Variants in STK32B observed in about 807,000 individuals in gnomAD.
The protein encoded by STK32B is serine/threonine kinase 32B.
Under a neutral mutation model 52.6 loss-of-function variants are expected in STK32B, and 43 were observed. The ratio of observed to expected loss-of-function variants is 0.82; its 90% CI spans 0.64 to 1.05. The LOEUF (loss-of-function observed/expected upper bound fraction) is 1.05, where lower values mean the gene tolerates loss of function less well. Ranked by LOEUF, STK32B falls within the 50% of genes least tolerant of loss-of-function variation. The pLI is 0.00. For synonymous variants in STK32B, 238 were observed against 204.3 expected (o/e 1.17, Z -1.41); for missense variants, 621 against 534.6 (o/e 1.16, Z -1.59).
chr4:5,226,973 A>C (rs1288414273), intron 3 of STK32B, among the ~76,000 whole-genome samples: 5 of 152,220 alleles, frequency 3.3e-5, no homozygotes, highest in African/African-American at 9.6e-5. Context: ...TACAGGGAGG[A>C]AATGCCATTG....
At chr4:5,207,601 A>G (rs1487351097) in intron 3 of STK32B, among the ~76,000 whole-genome samples, 1 of 151,918 alleles carries the variant, frequency 6.6e-6, no homozygotes, top group Non-Finnish European at 1.5e-5. Context: ...ACCCTGTGAC[A>G]CCTGTCCCAG....
At chr4:5,284,653 C>T (rs1728429090) in intron 3 of STK32B, among the ~76,000 whole-genome samples, 1 of 152,280 alleles carries the variant, frequency 6.6e-6, no homozygotes, top group East Asian at 1.9e-4. Context: ...CTCACTGTAA[C>T]ACATACTGTA....
chr4:5,172,390 T>G, intron 3 of STK32B, among the ~76,000 whole-genome samples: 1 of 152,150 alleles, frequency 6.6e-6, no homozygotes, highest in Non-Finnish European at 1.5e-5. Context: ...TTGTGCCAGT[T>G]TTCAAAGGGA....
At chr4:5,273,679 C>G (rs1455929677) in intron 3 of STK32B, among the ~76,000 whole-genome samples, 2 of 98,520 alleles carry the variant, frequency 2.0e-5, no homozygotes, top group African/African-American at 8.3e-5. Flanking sequence ...ATGATGAGTT[C>G]ATGTCCTTTG....
At chr4:5,160,308 CT>C (rs1718338739) in intron 2 of STK32B, among the ~76,000 whole-genome samples, 1 of 152,164 alleles carries the variant, frequency 6.6e-6, no homozygotes, top group African/African-American at 2.4e-5. Context: ...ACCATGGAGC[CT>C]TTATAACTGC....
At chr4:5,412,562 G>A (rs759511232) in intron 5 of STK32B, among the ~76,000 whole-genome samples, 17 of 152,278 alleles carry the variant, frequency 1.1e-4, no homozygotes, top group Non-Finnish European at 1.6e-4. Context: ...TCTGTAGGAG[G>A]AGAGTGGGAC....
intron 11 of STK32B, among the ~76,000 whole-genome samples, chr4:5,490,270 C>G (rs1194373560): frequency 6.6e-6 from 1 of 152,014 alleles, no homozygotes; most frequent in East Asian, 1.9e-4. Flanking sequence ...CCATGCCCAG[C>G]TAATTTTTGT....
intron 1 of STK32B, among the ~76,000 whole-genome samples, chr4:5,101,012 C>T (rs1470006432): frequency 2.6e-5 from 4 of 152,160 alleles, no homozygotes. Context: ...AATCCACCTG[C>T]CTCAGTCTCC....
intron 2 of STK32B, among the ~76,000 whole-genome samples, chr4:5,162,556 C>A (rs952920696): frequency 1.3e-5 from 2 of 152,298 alleles, no homozygotes; most frequent in Middle Eastern, 3.4e-3. Context: ...CAGCTGAAAT[C>A]CGTGCTAGCT....
chr4:5,140,180 A>G (rs772905746), intron 2 of STK32B: 84 of 1,487,602 alleles, frequency 5.6e-5, no homozygotes, highest in African/African-American at 8.3e-5. Flanking sequence ...GGTGAATTAC[A>G]ATGGTATTTA....
chr4:5,443,614 C>T (rs1177025182), intron 6 of STK32B, among the ~76,000 whole-genome samples: 1 of 152,222 alleles, frequency 6.6e-6, no homozygotes, highest in Non-Finnish European at 1.5e-5. Context: ...CAAAGTCATT[C>T]TCCATCCAGC....
chr4:5,124,222 G>A (rs1024885251), intron 1 of STK32B, among the ~76,000 whole-genome samples: 4 of 152,136 alleles, frequency 2.6e-5, no homozygotes, highest in East Asian at 1.9e-4. Context: ...AAAAAGTCCC[G>A]AAATCTCCGG....
intron 4 of STK32B, among the ~76,000 whole-genome samples, chr4:5,379,431 C>T (rs188749756): frequency 6.6e-6 from 1 of 152,138 alleles, no homozygotes; most frequent in Non-Finnish European, 1.5e-5. Context: ...GGAGGCTCCC[C>T]CACTCTGGTA....
At chr4:5,070,245 A>T (rs905069012) in intron 1 of STK32B, among the ~76,000 whole-genome samples, 1 of 151,938 alleles carries the variant, frequency 6.6e-6, no homozygotes, top group East Asian at 1.9e-4. Context: ...TAGAAGTCTG[A>T]CTCTGGCAAG....
Position 5,059,636 on chromosome 4 carries a change from A to T in STK32B, c.52+7721A>T, listed in dbSNP as rs111749901. Among the ~76,000 whole-genome samples the T allele has an allele frequency of 6.8e-3, 1,033 of 152,358 alleles. 16 individuals carry two copies. The highest frequency in any genetic ancestry group is 0.023 in the African/African-American group (960 of 41,578). On this transcript the variant is annotated intron_variant, in intron 1 of 11. Coordinates refer to ENST00000282908, the MANE Select transcript of STK32B (RefSeq NM_018401.3). ...TATAACTTTTTAATAAGAAGATGTT[A>T]TAAACCGTACGCCAATACATTCGAA...
At chr4:5,119,907 C>T (rs1314166619) in intron 1 of STK32B, among the ~76,000 whole-genome samples, 2 of 152,202 alleles carry the variant, frequency 1.3e-5, no homozygotes, top group African/African-American at 4.8e-5. Context: ...AATATGCAAT[C>T]TACGCATAGG....
intron 5 of STK32B, among the ~76,000 whole-genome samples, chr4:5,405,350 AG>A (rs1465534530): frequency 6.6e-6 from 1 of 152,066 alleles, no homozygotes; most frequent in Non-Finnish European, 1.5e-5. Context: ...AAGTAGGGCC[AG>A]TTTGCTCACC....
rs187367575 is a variant in STK32B at position 5,052,349 on chromosome 4, C to T, written c.52+434C>T. ...GTCTGTGTGTGTGTGCGCGTGCCCA[C>T]GACGCATTTGGTCTCGTGCAAGGGC... On this transcript the variant is annotated intron_variant, in intron 1 of 11. Coordinates refer to ENST00000282908, the MANE Select transcript of STK32B (RefSeq NM_018401.3). 2.0e-5 allele frequency among the ~76,000 whole-genome samples: 3 copies of T among 152,218 alleles called. No individual in the cohort carries two copies. In the East Asian group the frequency reaches 5.8e-4, roughly 29 times the overall value.
At chr4:5,068,888 A>G (rs1044609009) in intron 1 of STK32B, among the ~76,000 whole-genome samples, 36 of 152,322 alleles carry the variant, frequency 2.4e-4, no homozygotes, top group African/African-American at 8.2e-4. Context: ...CATTATTTGC[A>G]TAGTTACCTT....
Sources: gnomAD v4.1 joint callset for allele counts (sites outside exome capture counted in the v4.1 genomes callset) on GRCh38, gnomAD v4.1.1 for gene constraint, MANE v1.5 for transcripts, NCBI Gene and HGNC (gene_info 2026-07-23, HGNC 2026-07-21) for gene names.